Variants in IGFALS observed in about 807,000 individuals in gnomAD.
IGFALS encodes insulin-like growth factor-binding protein complex acid labile subunit.
In IGFALS, 2 loss-of-function variants were observed where a neutral mutation model predicts 2.6. That is an observed-to-expected ratio of 0.77 (90% CI 0.32 to 2.44). The LOEUF is 2.44. Ranked by LOEUF, IGFALS falls within the 30% of genes most tolerant of loss-of-function variation. The pLI is 0.11. For synonymous variants in IGFALS, 519 were observed against 431.9 expected (o/e 1.20, Z -2.50); for missense variants, 996 against 848.7 (o/e 1.17, Z -2.16).
rs749827761 is a variant in IGFALS at position 1,790,994 on chromosome 16, G to A, written c.1424C>T (p.Ala475Val). ...LSRNRLAELP[A>V]DALGPLQRAF... ...CCGCTGCAGGGGGCCCAGGGCGTCC[G>A]CCGGCAGCTCTGCCAGGCGGTTGCG... The change falls in exon 2 of 2, where the codon GCG becomes GTG. Residue 475 changes from alanine (A) to valine (V), a missense_variant. Coordinates refer to ENST00000215539, the MANE Select transcript of IGFALS (RefSeq NM_004970.3). 32 of 1,597,518 alleles carry A rather than the reference G, an allele frequency of 2.0e-5. No individual in the cohort carries two copies. The highest frequency in any genetic ancestry group is 1.7e-4 in the Admixed American group (10 of 59,910).
rs1004565427 is a variant in IGFALS, at chr16:1,790,526, C to A, written c.*74G>T. On this transcript the variant is annotated 3_prime_UTR_variant, in exon 2 of 2. Transcript: ENST00000215539. ...AGTGCACTGGGCAGGCCCCTGAGGA[C>A]ACTGAGGACCTGTCCCCAGCACAAG... is the stretch of plus-strand genomic sequence containing the variant. 3.9e-6 allele frequency: 5 copies of A among 1,293,310 alleles called. No homozygotes were observed. In the African/African-American group the frequency reaches 4.4e-5, roughly 11 times the overall value. The allele number at this position is 1,293,310 out of a possible 1,614,324, so 80.1% of individuals were successfully genotyped here.
intron 1 of IGFALS, chr16:1,792,640 C>T (rs947028098): frequency 4.5e-6 from 3 of 667,618 alleles, no homozygotes; most frequent in Non-Finnish European, 6.7e-6. Flanking sequence ...CAGGGCTTGG[C>T]TCTCCAGCTG....
At chr16:1,793,323 C>T (rs921959601) in intron 1 of IGFALS, among the ~76,000 whole-genome samples, 11 of 152,060 alleles carry the variant, frequency 7.2e-5, no homozygotes, top group African/African-American at 2.7e-4. Flanking sequence ...CAACGCGGGC[C>T]GTGCGGGGCA....
rs1176454073 is a variant in IGFALS at position 1,791,564 on chromosome 16, G to A, written c.854C>T (p.Thr285Met). 4.5e-6 allele frequency: 7 copies of A among 1,567,036 alleles called. No homozygotes were observed. The highest frequency in any genetic ancestry group is 3.4e-4 in the Middle Eastern group (2 of 5,844). The change falls in exon 2 of 2, where the codon ACG becomes ATG. Residue 285 changes from threonine (T) to methionine (M), a missense_variant. Physicochemically the swap from Thr to Met is moderately conservative, Grantham distance 81. Coordinates refer to ENST00000215539, the MANE Select transcript of IGFALS (RefSeq NM_004970.3). ...ACGCAGGCCCAGCAGACCGGGGAAC[G>A]TGTCCTCCAGGAGGCCAGCCACGCG... ...HNRVAGLLED[T>M]FPGLLGLRVL... is the part of the protein sequence containing the mutation.
chr16:1,790,523 G>T lies in IGFALS; in HGVS notation c.*77C>A. On this transcript the variant is annotated 3_prime_UTR_variant, in exon 2 of 2. Transcript: ENST00000215539. ...GCAAGTGCACTGGGCAGGCCCCTGAGGACACTGAGGACCTGTCCCCAGCAC... is the reference window on the plus strand; with the variant it reads ...GCAAGTGCACTGGGCAGGCCCCTGATGACACTGAGGACCTGTCCCCAGCAC... 3 of 1,259,936 alleles carry T rather than the reference G, an allele frequency of 2.4e-6. No individual in the cohort carries two copies. The highest frequency in any genetic ancestry group is 2.3e-6 in the Non-Finnish European group (2 of 888,320). The allele number at this position is 1,259,936 out of a possible 1,614,324, so 78.0% of individuals were successfully genotyped here.
At chr16:1,794,043 C>A (rs1897286511), upstream of IGFALS, among the ~76,000 whole-genome samples, 1 of 152,080 alleles carries the variant, frequency 6.6e-6, no homozygotes, top group Admixed American at 6.5e-5. Context: ...AGGGTTTTAC[C>A]AGGTCCTGTT....
chr16:1,790,608 G>A lies in IGFALS; in HGVS notation c.1810C>T (p.Pro604Ser), dbSNP rs866776976. 11 of 1,566,828 alleles carry A rather than the reference G, an allele frequency of 7.0e-6. No individual in the cohort carries two copies. In the Middle Eastern group the frequency reaches 1.5e-3, roughly 217 times the overall value. ...TGAGTCCGGGGACCTGGTCAGCAGG[G>A]AGCAAAGTGGGCCTCGCTGAGGTCC... Reference protein sequence around the residue: ...LRDLSEAHFAPC With the variant: ...LRDLSEAHFASC Residue 604 changes from proline (P) to serine (S), a missense_variant, in exon 2 of 2, where the codon CCC becomes TCC. Coordinates refer to ENST00000215539, the MANE Select transcript of IGFALS (RefSeq NM_004970.3).
In IGFALS at chr16:1,791,519, T is replaced by G; in HGVS notation, c.899A>C (p.Asn300Thr). 1.2e-6 allele frequency: 2 copies of G among 1,601,228 alleles called. No homozygotes were observed. Among genetic ancestry groups the G allele is most frequent in the Non-Finnish European group, 1.7e-6 (2 of 1,174,992 alleles). Reference sequence around the variant, plus strand: ...GCGGGGCCGCAGGCTGGCGATGGCGTTGTGGGACAGCCGCAGCACACGCAG... The same window carrying G: ...GCGGGGCCGCAGGCTGGCGATGGCGGTGTGGGACAGCCGCAGCACACGCAG... ...LGLRVLRLSH[N>T]AIASLRPRTF... Residue 300 changes from asparagine to threonine, a missense_variant, in exon 2 of 2, where the codon AAC becomes ACC. Asn to Thr is a moderately conservative substitution (Grantham distance 65). Coordinates refer to ENST00000215539, the MANE Select transcript of IGFALS (RefSeq NM_004970.3).
In IGFALS at chr16:1,791,911, G is replaced by T; in HGVS notation, c.507C>A (p.Leu169=). 6.3e-7 allele frequency: 1 copy of T among 1,577,898 alleles called. No homozygotes were observed. Among genetic ancestry groups the T allele is most frequent in the Admixed American group, 1.8e-5 (1 of 54,842 alleles). ...CGAGGTTGAGGTCCCAGAGGCTGCCGAGGCCCTCGAAGAGCCCGTCCTCCA... is the reference window on the plus strand; with the variant it reads ...CGAGGTTGAGGTCCCAGAGGCTGCCTAGGCCCTCGAAGAGCCCGTCCTCCA... ...SRLEDGLFEG[L]GSLWDLNLGW... The change falls in exon 2 of 2, where the codon CTC becomes CTA. Residue 169 remains leucine, a synonymous_variant. Coordinates refer to ENST00000215539, the MANE Select transcript of IGFALS (RefSeq NM_004970.3).
chr16:1,791,826 C>CGCGCAGGCT lies in IGFALS; in HGVS notation c.583_591dup (p.Ser195_Arg197dup), dbSNP rs606231171. Reference sequence around the variant, plus strand: ...AGCCTGTTGCCCGCCAGCACCAGCTCGCGCAGGCTGCCCAGGCCGCGGAAC... The same window carrying CGCGCAGGCT: ...AGCCTGTTGCCCGCCAGCACCAGCTCGCGCAGGCTGCGCAGGCTGCCCAGGCCGCGGAAC... On this transcript the variant is annotated inframe_insertion, in exon 2 of 2. Transcript: ENST00000215539. 56 of 1,549,320 alleles carry CGCGCAGGCT rather than the reference C, an allele frequency of 3.6e-5. No individual in the cohort carries two copies. Among genetic ancestry groups the CGCGCAGGCT allele is most frequent in the Non-Finnish European group, 4.1e-5 (47 of 1,148,830 alleles).
chr16:1,793,724 C>T (rs1897281963), upstream of IGFALS: 3 of 1,478,636 alleles, frequency 2.0e-6, no homozygotes, highest in East Asian at 7.4e-5. Flanking sequence ...CCCCTGCCCT[C>T]TGGATTTCCC....
rs935366887 is a variant in IGFALS, at chr16:1,790,453, G to T, written c.*147C>A. ...TTTGCCTTTAATTGATGACAGCTGG[G>T]GGGGCCGCCATGCCTTCCACCCCAT... is the stretch of plus-strand genomic sequence containing the variant. On this transcript the variant is annotated 3_prime_UTR_variant, in exon 2 of 2. Coordinates refer to ENST00000215539, the MANE Select transcript of IGFALS (RefSeq NM_004970.3). 2 of 727,770 alleles carry T rather than the reference G, an allele frequency of 2.7e-6. No individual in the cohort carries two copies. The highest frequency in any genetic ancestry group is 2.7e-5 in the East Asian group (1 of 37,012). The allele number at this position is 727,770 out of a possible 1,614,324, so 45.1% of individuals were successfully genotyped here. A position where few individuals can be genotyped will look rare whatever the true frequency, so the allele number is the denominator to read the frequency against.
Position 1,790,604 on chromosome 16 carries a change from C to T in IGFALS, c.1814G>A (p.Cys605Tyr). The T allele has an allele frequency of 6.4e-7, 1 of 1,565,234 alleles. No homozygotes were observed. The highest frequency in any genetic ancestry group is 8.7e-7 in the Non-Finnish European group (1 of 1,155,812). Residue 605 changes from cysteine to tyrosine, a missense_variant, in exon 2 of 2, where the codon TGC becomes TAC. Physicochemically the swap from Cys to Tyr is radical, Grantham distance 194. Transcript: ENST00000215539. ...GGCTTGAGTCCGGGGACCTGGTCAGCAGGGAGCAAAGTGGGCCTCGCTGAG... is the reference window on the plus strand; with the variant it reads ...GGCTTGAGTCCGGGGACCTGGTCAGTAGGGAGCAAAGTGGGCCTCGCTGAG... ...RDLSEAHFAP[C>Y] is the part of the protein sequence containing the mutation.
chr16:1,792,350 C>T lies in IGFALS; in HGVS notation c.68G>A (p.Arg23His), dbSNP rs778060737. 18 of 1,589,870 alleles carry T rather than the reference C, an allele frequency of 1.1e-5. No homozygotes were observed. The highest frequency in any genetic ancestry group is 6.7e-5 in the Admixed American group (4 of 59,576). Residue 23 changes from arginine (R) to histidine (H), a missense_variant, in exon 2 of 2, where the codon CGC becomes CAC. Coordinates refer to ENST00000215539, the MANE Select transcript of IGFALS (RefSeq NM_004970.3). ...LLLSWVALGP[R>H]SLEGADPGTP... Reference sequence around the variant, plus strand: ...TCCGGGGTCTGCTCCCTCCAGGCTGCGGGGGCCCAGTGCCACCCAGGACAG... The same window carrying T: ...TCCGGGGTCTGCTCCCTCCAGGCTGTGGGGGCCCAGTGCCACCCAGGACAG...
chr16:1,793,455 G>A (rs1361069752), intron 1 of IGFALS, among the ~76,000 whole-genome samples, 182 bp downstream of exon 1: 2 of 152,086 alleles, frequency 1.3e-5, no homozygotes, highest in African/African-American at 4.8e-5. Context: ...AGGCACAGCT[G>A]TGTCCCCCTG....
chr16:1,793,576 G>A (rs1897277254), intron 1 of IGFALS, 61 bp downstream of exon 1: 10 of 1,534,694 alleles, frequency 6.5e-6, no homozygotes, highest in Non-Finnish European at 8.9e-6. Context: ...TCTCCCCAGC[G>A]GGCTCAGGGT....
chr16:1,791,854 C>A lies in IGFALS; in HGVS notation c.564G>T (p.Ala188=). The change falls in exon 2 of 2, where the codon GCG becomes GCT. Residue 188 remains alanine (A), a synonymous_variant. Coordinates refer to ENST00000215539, the MANE Select transcript of IGFALS (RefSeq NM_004970.3). The part of the protein sequence containing the change: ...GWNSLAVLPD[A]AFRGLGSLRE... ...GCAGGCTGCCCAGGCCGCGGAACGCCGCATCGGGGAGCACCGCCAGGCTAT... is the reference window on the plus strand; with the variant it reads ...GCAGGCTGCCCAGGCCGCGGAACGCAGCATCGGGGAGCACCGCCAGGCTAT... The A allele has an allele frequency of 6.4e-7, 1 of 1,554,562 alleles. No individual in the cohort carries two copies. Among genetic ancestry groups the A allele is most frequent in the Non-Finnish European group, 8.7e-7 (1 of 1,150,804 alleles).
chr16:1,793,660 G>A lies in IGFALS; in HGVS notation c.-8C>T, dbSNP rs748501121. 2.8e-5 allele frequency: 45 copies of A among 1,594,250 alleles called. No individual in the cohort carries two copies. The South Asian group carries it at 4.3e-4, about 15-fold the overall frequency. On this transcript the variant is annotated 5_prime_UTR_variant, in exon 1 of 2. Transcript: ENST00000215539. ...ACCTTTCCTCAGGGCCATCCTGCAT[G>A]CAGGGCAGGCTGCAGGCAGGCAGCG... is the stretch of plus-strand genomic sequence containing the variant.
In IGFALS at chr16:1,791,744, A is replaced by G; in HGVS notation, c.674T>C (p.Leu225Pro). 1 of 1,552,754 alleles carries G rather than the reference A, an allele frequency of 6.4e-7. No homozygotes were observed. Among genetic ancestry groups the G allele is most frequent in the Non-Finnish European group, 8.7e-7 (1 of 1,153,168 alleles). Residue 225 changes from leucine to proline, a missense_variant, in exon 2 of 2, where the codon CTG becomes CCG. By Grantham distance (98) the Leu-to-Pro change is moderately conservative. Coordinates refer to ENST00000215539, the MANE Select transcript of IGFALS (RefSeq NM_004970.3). The stretch of plus-strand genomic sequence containing the variant: ...GATGGCCCGCAGCGCGTTCCTGCTC[A>G]GGTCCAGCTCCCGGAGCTCGGCCAG... ...SGLAELRELD[L>P]SRNALRAIKA...
Sources: allele counts gnomAD v4.1 joint callset (sites outside exome capture counted in the v4.1 genomes callset), GRCh38; gene constraint gnomAD v4.1.1; transcripts MANE v1.5; gene names NCBI Gene and HGNC (gene_info 2026-07-23, HGNC 2026-07-21).